Variants in ALK observed in about 807,000 individuals in gnomAD.
The protein encoded by ALK is ALK receptor tyrosine kinase, also known as ALK tyrosine kinase receptor.
ALK carries 74 observed loss-of-function variants against 163.1 expected under a neutral mutation model. The observed-to-expected ratio is 0.45, with a 90% CI of 0.38 to 0.55. The LOEUF (loss-of-function observed/expected upper bound fraction) is 0.55. Among genes scored for constraint, ALK ranks in the 20% least tolerant of loss-of-function variants. The pLI is 0.00. For synonymous variants in ALK, 960 were observed against 843.2 expected, an observed-to-expected ratio of 1.14 and a Z score of -2.40; for missense variants, 2,063 against 2,105.3, an observed-to-expected ratio of 0.98 and a Z score of 0.39.
chr2:29,630,295 A>C (rs191744591), intron 3 of ALK, among the ~76,000 whole-genome samples: 49 of 152,326 alleles, frequency 3.2e-4, no homozygotes, highest in African/African-American at 1.0e-3. Flanking sequence ...AAGAAAGAGG[A>C]GAGTAAAGAA....
chr2:29,218,137 G>A (rs150131382), intron 23 of ALK, among the ~76,000 whole-genome samples: 229 of 152,272 alleles, frequency 1.5e-3, no homozygotes, highest in African/African-American at 5.0e-3. Flanking sequence ...ATTTGAAATC[G>A]GCCAAGGATC....
chr2:29,842,712 C>T (rs1040730513), intron 1 of ALK, among the ~76,000 whole-genome samples: 1 of 152,148 alleles, frequency 6.6e-6, no homozygotes, highest in Non-Finnish European at 1.5e-5. Context: ...AGGCAGGGCT[C>T]ATTTCTATCA....
chr2:29,563,368 G>C (rs1051360429), intron 3 of ALK, among the ~76,000 whole-genome samples: 1 of 152,102 alleles, frequency 6.6e-6, no homozygotes, highest in Non-Finnish European at 1.5e-5. Context: ...AGAGGAGCAG[G>C]GAAGTACCAG....
chr2:29,536,715 T>C (rs892444300), intron 3 of ALK, among the ~76,000 whole-genome samples: 3 of 152,176 alleles, frequency 2.0e-5, no homozygotes, highest in Non-Finnish European at 4.4e-5. Flanking sequence ...GAGGGAAAGT[T>C]TGGAACTTCT....
At chr2:29,752,590 C>T (rs1408932123) in intron 1 of ALK, among the ~76,000 whole-genome samples, 6 of 151,922 alleles carry the variant, frequency 3.9e-5, no homozygotes, top group Admixed American at 2.0e-4. Flanking sequence ...CCTCGTGATC[C>T]GCCCGTCTCG....
At chr2:29,513,579 T>A (rs1485967264) in intron 4 of ALK, among the ~76,000 whole-genome samples, 2 of 151,828 alleles carry the variant, frequency 1.3e-5, no homozygotes, top group Non-Finnish European at 2.9e-5. Context: ...CATTCAGGAC[T>A]TAGGCACGGG....
chr2:29,209,765 G>C (rs2148154933), intron 25 of ALK, 21 bp downstream of exon 25: 1 of 1,594,138 alleles, frequency 6.3e-7, no homozygotes, highest in Non-Finnish European at 8.6e-7. Context: ...GGCCCGGAGG[G>C]GTGAGGCAGT....
chr2:29,844,576 G>T (rs1202687419), intron 1 of ALK, among the ~76,000 whole-genome samples: 2 of 152,122 alleles, frequency 1.3e-5, no homozygotes, highest in African/African-American at 4.8e-5. Context: ...GTCCATAGCT[G>T]TTATTAGATT....
At chr2:29,457,100 G>A (rs2148098424) in intron 4 of ALK, among the ~76,000 whole-genome samples, 1 of 152,236 alleles carries the variant, frequency 6.6e-6, no homozygotes, top group Admixed American at 6.5e-5. Flanking sequence ...AAGGCACCGT[G>A]GTAACTTTCT....
Position 29,193,925 on chromosome 2 carries a change from G to T in ALK, c.4165-3C>A. The T allele has an allele frequency of 6.2e-7, 1 of 1,614,026 alleles. No individual in the cohort carries two copies. Among genetic ancestry groups the T allele is most frequent in the East Asian group, 2.2e-5 (1 of 44,876 alleles). ...GCGGTGTTGATTACATCCGGGTCCT[G>T]CCGTAGGGGAAATTATTAAAACTTT... On this transcript the variant is annotated splice_region_variant and splice_polypyrimidine_tract_variant and intron_variant, in intron 28 of 28. Coordinates refer to ENST00000389048, the MANE Select transcript of ALK (RefSeq NM_004304.5).
At chr2:29,317,659 A>G (rs1666869091) in intron 8 of ALK, among the ~76,000 whole-genome samples, 1 of 152,232 alleles carries the variant, frequency 6.6e-6, no homozygotes, top group African/African-American at 2.4e-5. Flanking sequence ...CTGCCCAAAC[A>G]AACTATACAA....
intron 4 of ALK, among the ~76,000 whole-genome samples, chr2:29,388,297 T>A (rs1669081699): frequency 6.6e-6 from 1 of 152,166 alleles, no homozygotes; most frequent in African/African-American, 2.4e-5. Context: ...GTGAGGACCA[T>A]GAGTGGCAGT....
intron 4 of ALK, among the ~76,000 whole-genome samples, chr2:29,457,355 G>A (rs903215417): frequency 6.6e-6 from 1 of 152,274 alleles, no homozygotes; most frequent in East Asian, 1.9e-4. Context: ...GAAGGGATGA[G>A]CCTCGGTTAG....
intron 1 of ALK, among the ~76,000 whole-genome samples, chr2:29,905,361 C>T (rs1667515675): frequency 1.3e-5 from 2 of 152,208 alleles, no homozygotes; most frequent in East Asian, 3.8e-4. Flanking sequence ...CATAAATAAT[C>T]TCTGGTTATC....
At chr2:29,711,606 G>C (rs1208844228) in intron 2 of ALK, among the ~76,000 whole-genome samples, 2 of 152,130 alleles carry the variant, frequency 1.3e-5, no homozygotes, top group African/African-American at 4.8e-5. Flanking sequence ...ACGTGCTAAG[G>C]GGGAAATGAT....
intron 4 of ALK, among the ~76,000 whole-genome samples, chr2:29,444,977 A>G (rs974521620): frequency 6.6e-6 from 1 of 152,168 alleles, no homozygotes; most frequent in African/African-American, 2.4e-5. Flanking sequence ...AAGACACTCA[A>G]TATCAGAGAG....
rs1667964522 is a variant in ALK, at chr2:29,920,460, T to C, written c.200A>G (p.Tyr67Cys). 1.2e-6 allele frequency: 2 copies of C among 1,612,146 alleles called. No individual in the cohort carries two copies. Among genetic ancestry groups the C allele is most frequent in the South Asian group, 2.2e-5 (2 of 90,732 alleles). ...DFVVPSLFRVYARDLLLPPSS... is the reference protein window; with the variant it reads ...DFVVPSLFRVCARDLLLPPSS... ...TGGTGGCAGCAGTAGGTCCCGGGCG[T>C]AGACACGGAAGAGCGAGGGCACCAC... is the stretch of plus-strand genomic sequence containing the variant. Residue 67 changes from tyrosine to cysteine, a missense_variant, in exon 1 of 29, where the codon TAC becomes TGC. Tyr to Cys is a radical substitution (Grantham distance 194). Around this residue, in one of 5 missense-constraint regions of ALK, gnomAD observed 987 missense variants for 939.5 expected, o/e 1.05. Transcript: ENST00000389048.
chr2:29,739,487 G>C (rs1679990903), intron 1 of ALK, among the ~76,000 whole-genome samples: 2 of 151,182 alleles, frequency 1.3e-5, no homozygotes, highest in Admixed American at 1.3e-4. Flanking sequence ...GAGCCCGGGA[G>C]GCAGAGATTG....
chr2:29,199,560 G>A (rs1011019387), intron 26 of ALK, among the ~76,000 whole-genome samples: 8 of 152,110 alleles, frequency 5.3e-5, no homozygotes, highest in East Asian at 1.9e-4. Flanking sequence ...ATTGACTCAC[G>A]ATTAAAAACA....
Sources: allele counts gnomAD v4.1 joint callset (sites outside exome capture counted in the v4.1 genomes callset), GRCh38; gene constraint gnomAD v4.1.1; regional missense constraint gnomAD v4.1.1; transcripts MANE v1.5; gene names NCBI Gene and HGNC (gene_info 2026-07-23, HGNC 2026-07-21).